Variants in EXOC6B observed in about 807,000 individuals in gnomAD.
EXOC6B encodes exocyst complex component 6B, also known as SEC15 homolog B.
EXOC6B carries 54 observed loss-of-function variants against 113.5 expected under a neutral mutation model. That is an observed-to-expected ratio of 0.48 (90% CI 0.38 to 0.60). The LOEUF (loss-of-function observed/expected upper bound fraction) is 0.60, where lower values mean the gene tolerates loss of function less well. Ranked by LOEUF, EXOC6B falls within the 20% of genes least tolerant of loss-of-function variation. EXOC6B has a pLI of 0.00. For missense variants in EXOC6B, 797 were observed against 977.5 expected, an observed-to-expected ratio of 0.82 and a Z score of 2.46; for synonymous variants, 357 against 339.0, an observed-to-expected ratio of 1.05 and a Z score of -0.58.
intron 18 of EXOC6B, among the ~76,000 whole-genome samples, chr2:72,400,009 A>G (rs569474313): frequency 4.0e-4 from 61 of 152,182 alleles, no homozygotes; most frequent in Non-Finnish European, 8.4e-4. Flanking sequence ...AACTGAAGGA[A>G]ACACATTATC....
At chr2:72,406,029 T>C (rs1197642330) in intron 18 of EXOC6B, among the ~76,000 whole-genome samples, 4 of 150,216 alleles carry the variant, frequency 2.7e-5, no homozygotes, top group Non-Finnish European at 4.5e-5. Context: ...AAATGGAAAA[T>C]AAAAAAAGGC....
At chr2:72,433,921 C>G (rs560656342) in intron 18 of EXOC6B, among the ~76,000 whole-genome samples, 1 of 152,144 alleles carries the variant, frequency 6.6e-6, no homozygotes, top group Non-Finnish European at 1.5e-5. Context: ...ATTGCCCTGG[C>G]GAGAACTTCC....
chr2:72,825,071 G>A lies in EXOC6B; in HGVS notation c.113+727C>T, dbSNP rs1324175180. Among the ~76,000 whole-genome samples the A allele has an allele frequency of 6.6e-6, 1 of 152,198 alleles. No homozygotes were observed. The highest frequency in any genetic ancestry group is 1.5e-5 in the Non-Finnish European group (1 of 68,042). On this transcript the variant is annotated intron_variant, in intron 1 of 21. Coordinates refer to ENST00000272427, the MANE Select transcript of EXOC6B (RefSeq NM_015189.3). The surrounding 1 kb of genome is among the most constrained non-coding windows in gnomAD (Gnocchi z 4.4). The stretch of plus-strand genomic sequence containing the variant: ...ACGTCTTGGACTTTATGTAACAAGT[G>A]CTACCTAAATTTGTTAAATAAGTTG...
intron 20 of EXOC6B, among the ~76,000 whole-genome samples, chr2:72,243,737 T>C (rs1447600663): frequency 6.6e-6 from 1 of 152,010 alleles, no homozygotes; most frequent in African/African-American, 2.4e-5. Context: ...GAACTTAAAG[T>C]ATAATTTTAA....
At chr2:72,510,082 C>A (rs1309468710) in intron 11 of EXOC6B, among the ~76,000 whole-genome samples, 1 of 152,138 alleles carries the variant, frequency 6.6e-6, no homozygotes, top group African/African-American at 2.4e-5. Context: ...GATCTGCCCT[C>A]CTCGGCCTCC....
intron 7 of EXOC6B, among the ~76,000 whole-genome samples, chr2:72,572,306 T>A (rs569631037): frequency 6.6e-6 from 1 of 152,286 alleles, no homozygotes; most frequent in South Asian, 2.1e-4. Context: ...CTCAGACTCA[T>A]TCTCAACCTG....
At chr2:72,390,698 C>A (rs1190722875) in intron 18 of EXOC6B, among the ~76,000 whole-genome samples, 1 of 152,168 alleles carries the variant, frequency 6.6e-6, no homozygotes, top group African/African-American at 2.4e-5. Context: ...GCTTTAGACC[C>A]ATGACTAGCC....
chr2:72,651,831 T>C (rs1036466962), intron 6 of EXOC6B, among the ~76,000 whole-genome samples: 5 of 152,124 alleles, frequency 3.3e-5, no homozygotes, highest in Non-Finnish European at 7.4e-5. Flanking sequence ...TCCAGGGTGG[T>C]CTCGATCTCC....
chr2:72,825,657 C>T lies in EXOC6B; in HGVS notation c.113+141G>A. 1 of 1,079,270 alleles carries T rather than the reference C, an allele frequency of 9.3e-7. No homozygotes were observed. Among genetic ancestry groups the T allele is most frequent in the Non-Finnish European group, 1.2e-6 (1 of 808,866 alleles). The allele number at this position is 1,079,270 out of a possible 1,614,324, so 66.9% of individuals were successfully genotyped here. On this transcript the variant is annotated intron_variant, in intron 1 of 21. Transcript: ENST00000272427. This position sits in a 1 kb window ranked among gnomAD's most constrained non-coding sequence, Gnocchi z 4.4. ...CCGCGTCGGGGCTGCGAAGGGAGAC[C>T]CGCCTCGCCCGGTATGCAGGGTCTC...
chr2:72,811,549 C>T (rs774628108), intron 1 of EXOC6B, among the ~76,000 whole-genome samples: 8 of 152,134 alleles, frequency 5.3e-5, no homozygotes, highest in Non-Finnish European at 1.2e-4. Context: ...GAGTGAGGCG[C>T]TACTTCTCAA....
At chr2:72,403,207 T>C (rs1265181762) in intron 18 of EXOC6B, among the ~76,000 whole-genome samples, 2 of 152,256 alleles carry the variant, frequency 1.3e-5, no homozygotes, top group African/African-American at 2.4e-5. Context: ...GACAGTCTAT[T>C]GTATGTCTGC....
intron 6 of EXOC6B, among the ~76,000 whole-genome samples, chr2:72,686,866 C>T (rs969926535): frequency 1.3e-5 from 2 of 152,208 alleles, no homozygotes; most frequent in South Asian, 2.1e-4. Context: ...TTCAGCTGGG[C>T]GGTGGCTCAT....
At chr2:72,727,751 T>C (rs113954878) in intron 5 of EXOC6B, among the ~76,000 whole-genome samples, 3 of 152,096 alleles carry the variant, frequency 2.0e-5, no homozygotes, top group South Asian at 2.1e-4. Flanking sequence ...AAAACTAAAA[T>C]TTTTTGAAAC....
At chr2:72,577,626 T>C (rs1274052004) in intron 6 of EXOC6B, among the ~76,000 whole-genome samples, 1 of 151,916 alleles carries the variant, frequency 6.6e-6, no homozygotes, top group African/African-American at 2.4e-5. Flanking sequence ...GTTATGGTAC[T>C]GGCAGGAGGT....
chr2:72,329,320 G>GA (rs1195760511), intron 20 of EXOC6B, among the ~76,000 whole-genome samples: 2 of 151,970 alleles, frequency 1.3e-5, no homozygotes, highest in Admixed American at 1.3e-4. Context: ...TGGTTATAAC[G>GA]AAAAACAGAA....
At chr2:72,470,376 A>C (rs1698322734) in intron 17 of EXOC6B, among the ~76,000 whole-genome samples, 1 of 151,888 alleles carries the variant, frequency 6.6e-6, no homozygotes, top group African/African-American at 2.4e-5. Flanking sequence ...TTTCTTTTTT[A>C]CTGTTTCATT....
intron 15 of EXOC6B, among the ~76,000 whole-genome samples, chr2:72,494,795 A>G (rs1349629493): frequency 6.6e-6 from 1 of 152,170 alleles, no homozygotes; most frequent in Non-Finnish European, 1.5e-5. Flanking sequence ...CATTTTCAGC[A>G]ACTTAATTAT....
At chr2:72,649,179 T>C (rs1279263960) in intron 6 of EXOC6B, among the ~76,000 whole-genome samples, 2 of 152,030 alleles carry the variant, frequency 1.3e-5, no homozygotes, top group East Asian at 1.9e-4. Flanking sequence ...ATGGAGATAA[T>C]AGAATGATGT....
intron 18 of EXOC6B, among the ~76,000 whole-genome samples, chr2:72,450,839 A>C (rs1696868084): frequency 6.6e-6 from 1 of 152,210 alleles, no homozygotes; most frequent in Non-Finnish European, 1.5e-5. Context: ...AGAATTTTTA[A>C]GCATTACTAT....
Sources: allele counts gnomAD v4.1 joint callset (sites outside exome capture counted in the v4.1 genomes callset), GRCh38; gene constraint gnomAD v4.1.1; non-coding constraint Gnocchi (gnomAD v3.1); transcripts MANE v1.5; gene names NCBI Gene and HGNC (gene_info 2026-07-23, HGNC 2026-07-21).